Variants in LPIN2 observed in about 807,000 individuals in gnomAD.
LPIN2 encodes phosphatidate phosphatase LPIN2.
In LPIN2, 55 loss-of-function variants were observed where a neutral mutation model predicts 111.4. The ratio of observed to expected loss-of-function variants is 0.49; its 90% confidence interval spans 0.40 to 0.62. The LOEUF (loss-of-function observed/expected upper bound fraction) is 0.62, where lower values mean the gene tolerates loss of function less well. Among genes scored for constraint, LPIN2 ranks in the 20% least tolerant of loss-of-function variants. The probability of loss-of-function intolerance (pLI) is 0.00; values close to 1 mark genes in which losing one functional copy is unlikely to be tolerated. For missense variants in LPIN2, 992 were observed against 1,112.1 expected (o/e 0.89, Z 1.54); for synonymous variants, 425 against 414.0 (o/e 1.03, Z -0.32).
chr18:2,953,625 A>G (rs2077570111), intron 3 of LPIN2, among the ~76,000 whole-genome samples: 1 of 152,226 alleles, frequency 6.6e-6, no homozygotes, highest in African/African-American at 2.4e-5. Flanking sequence ...TTTTTTGGTA[A>G]TAATTTTCTT....
At chr18:2,928,814 TA>T (rs1223703261) in intron 10 of LPIN2, among the ~76,000 whole-genome samples, 154 bp from the exon 11 acceptor site, 15 of 152,202 alleles carry the variant, frequency 9.9e-5, no homozygotes, top group African/African-American at 3.6e-4. Flanking sequence ...GTCACATGAA[TA>T]ACCTTCGCTT....
intron 1 of LPIN2, among the ~76,000 whole-genome samples, chr18:2,968,113 G>A (rs1246428598): frequency 1.3e-5 from 2 of 152,160 alleles, no homozygotes; most frequent in African/African-American, 4.8e-5. Flanking sequence ...CAGCAGTGTA[G>A]GGCGACTGGT....
intron 4 of LPIN2, among the ~76,000 whole-genome samples, chr18:2,944,646 G>A (rs1049423876): frequency 2.0e-5 from 3 of 152,028 alleles, no homozygotes; most frequent in Non-Finnish European, 2.9e-5. Context: ...CACCGCGCCC[G>A]GCCTCCACAA....
chr18:2,951,768 A>G (rs1048549180), intron 3 of LPIN2, among the ~76,000 whole-genome samples: 1 of 152,248 alleles, frequency 6.6e-6, no homozygotes, highest in Non-Finnish European at 1.5e-5. Flanking sequence ...CAGAAGGCAG[A>G]GATTAAGGAC....
intron 1 of LPIN2, among the ~76,000 whole-genome samples, chr18:3,001,585 G>T (rs1280446822): frequency 6.6e-6 from 1 of 151,794 alleles, no homozygotes. Flanking sequence ...TCATCTTGCA[G>T]CGTAGGAAAT....
At chr18:2,968,394 T>C (rs1270994203) in intron 1 of LPIN2, among the ~76,000 whole-genome samples, 1 of 152,170 alleles carries the variant, frequency 6.6e-6, no homozygotes, top group Non-Finnish European at 1.5e-5. Flanking sequence ...CAGTCAAAAT[T>C]AAGCACCTAT....
intron 3 of LPIN2, among the ~76,000 whole-genome samples, chr18:2,952,353 G>A (rs974998550): frequency 5.3e-5 from 8 of 152,164 alleles, no homozygotes; most frequent in African/African-American, 1.9e-4. Flanking sequence ...TTGGACCTGA[G>A]GGGGAGGTTG....
intron 1 of LPIN2, among the ~76,000 whole-genome samples, chr18:2,970,301 C>T (rs1211574682): frequency 6.6e-6 from 1 of 152,216 alleles, no homozygotes. Context: ...CCCCCAGTAG[C>T]CATGTCTATA....
chr18:3,007,285 C>A (rs2078530477), intron 1 of LPIN2, among the ~76,000 whole-genome samples: 1 of 152,176 alleles, frequency 6.6e-6, no homozygotes, highest in Non-Finnish European at 1.5e-5. Flanking sequence ...CATTCCCCTG[C>A]CTCAGCCTCC....
intron 4 of LPIN2, among the ~76,000 whole-genome samples, chr18:2,944,394 C>T (rs1397125457): frequency 2.6e-5 from 3 of 115,856 alleles, no homozygotes; most frequent in Non-Finnish European, 4.9e-5. Flanking sequence ...CTCTGTCGCC[C>T]AGGCTGGAGT....
intron 5 of LPIN2, 50 bp from the exon 6 acceptor site, chr18:2,939,653 A>G: frequency 6.2e-7 from 1 of 1,602,292 alleles, no homozygotes; most frequent in Non-Finnish European, 8.5e-7. Context: ...GGAAACCTTC[A>G]GTCTTGCTGA....
chr18:3,005,185 A>G (rs60392227), intron 1 of LPIN2, among the ~76,000 whole-genome samples: 13,112 of 151,878 alleles, frequency 0.086, 1,380 homozygotes, highest in African/African-American at 0.26. Flanking sequence ...CCCTGTCTCT[A>G]CTAAAAATAC....
chr18:3,000,574 G>A (rs150004487), intron 1 of LPIN2, among the ~76,000 whole-genome samples: 16 of 152,306 alleles, frequency 1.1e-4, no homozygotes, highest in East Asian at 9.6e-4. Flanking sequence ...TCAGATGTAC[G>A]GCACGTAGTG....
intron 1 of LPIN2, among the ~76,000 whole-genome samples, chr18:2,983,969 T>C (rs2078149767): frequency 6.6e-6 from 1 of 152,188 alleles, no homozygotes; most frequent in Non-Finnish European, 1.5e-5. Context: ...TGAGGACAAC[T>C]GGATTGTTCA....
Position 2,920,334 on chromosome 18 carries a change from G to C in LPIN2, c.2650C>G (p.Arg884Gly). ...CPEFSSFCYW[R>G]DPIPEVDLDD... Reference sequence around the variant, plus strand: ...AGGTCCACTTCAGGGATCGGGTCTCGCCAGTAGCAGAAGGAGCTGAACTCC... The same window carrying C: ...AGGTCCACTTCAGGGATCGGGTCTCCCCAGTAGCAGAAGGAGCTGAACTCC... The change falls in exon 20 of 20, where the codon CGA (arginine) becomes GGA (glycine). Residue 884 changes from arginine (R) to glycine (G), a missense_variant. Around this residue, in one of 4 missense-constraint regions of LPIN2, gnomAD observed 185 missense variants for 186.5 expected, o/e 0.99. Coordinates refer to ENST00000677752, the MANE Select transcript of LPIN2 (RefSeq NM_001375808.2). 1 of 1,614,144 alleles carries C rather than the reference G, an allele frequency of 6.2e-7. No homozygotes were observed. The highest frequency in any genetic ancestry group is 8.5e-7 in the Non-Finnish European group (1 of 1,180,040).
Position 2,937,778 on chromosome 18 carries a change from G to T in LPIN2, c.1082C>A (p.Ala361Asp). The T allele has an allele frequency of 6.2e-7, 1 of 1,614,098 alleles. No homozygotes were observed. Residue 361 changes from alanine to aspartate, a missense_variant, in exon 7 of 20, where the codon GCT (alanine) becomes GAT (aspartate). Coordinates refer to ENST00000677752, the MANE Select transcript of LPIN2 (RefSeq NM_001375808.2). ...TAAGGCTGCGTTGGGAAGGTGGTCA[G>T]CATCTAACATAGATGAAATCTGAGT... ...ESTQISSMLD[A>D]DHLPNAALAE...
chr18:2,926,288 G>A (rs926916678), intron 13 of LPIN2, among the ~76,000 whole-genome samples: 1 of 152,208 alleles, frequency 6.6e-6, no homozygotes, highest in African/African-American at 2.4e-5. Context: ...ACAGGCAGAA[G>A]CAGGAACACG....
rs1390932126 is a variant in LPIN2, at chr18:3,013,103, C to A, written c.-26G>T. ...CCCACTTACCCACAGGGGCTCCGCT[C>A]CCGGCCAGCGGGCGGCTGAGGGCAG... On this transcript the variant is annotated 5_prime_UTR_variant, in exon 1 of 20. Transcript: ENST00000677752. The A allele has an allele frequency of 6.6e-6, 1 of 150,770 alleles. No homozygotes were observed. The highest frequency in any genetic ancestry group is 1.5e-5 in the Non-Finnish European group (1 of 67,540). The allele number at this position is 150,770 out of a possible 1,614,324, so 9.3% of individuals were successfully genotyped here. A position where few individuals can be genotyped will look rare whatever the true frequency, so the allele number is the denominator to read the frequency against.
chr18:2,946,091 T>C, intron 4 of LPIN2: 2 of 1,546,504 alleles, frequency 1.3e-6, no homozygotes, highest in Non-Finnish European at 1.8e-6. Flanking sequence ...CCAATCTTAA[T>C]TTCATCATTG....
Sources: allele counts gnomAD v4.1 joint callset (sites outside exome capture counted in the v4.1 genomes callset), GRCh38; gene constraint gnomAD v4.1.1; regional missense constraint gnomAD v4.1.1; transcripts MANE v1.5; gene names NCBI Gene and HGNC (gene_info 2026-07-23, HGNC 2026-07-21).